The following PIK3CD variants were observed in gnomAD, a reference collection of about 807,000 sequenced individuals.
PIK3CD encodes the protein phosphatidylinositol-4,5-bisphosphate 3-kinase catalytic subunit delta, also known as phosphatidylinositol 4,5-bisphosphate 3-kinase catalytic subunit delta isoform.
A neutral mutation model predicts 122.9 loss-of-function variants in PIK3CD; 20 were observed. The observed-to-expected ratio is 0.16, with a 90% confidence interval of 0.11 to 0.24. The LOEUF (loss-of-function observed/expected upper bound fraction) is 0.24. Ranked by LOEUF, PIK3CD falls within the 10% of genes least tolerant of loss-of-function variation. The pLI is 1.00. For synonymous variants in PIK3CD, 596 were observed against 593.4 expected (o/e 1.00, Z -0.06); for missense variants, 787 against 1,406.3 (o/e 0.56, Z 7.04).
rs370185067 is a variant in PIK3CD, at chr1:9,720,302, C to T, written c.1470+60C>T. The T allele has an allele frequency of 8.2e-5, 127 of 1,555,906 alleles. No individual in the cohort carries two copies. In the South Asian group the frequency reaches 1.4e-3, roughly 17 times the overall value. On this transcript the variant is annotated intron_variant, in intron 11 of 23. Transcript: ENST00000377346. This position sits in a 1 kb window ranked among gnomAD's most constrained non-coding sequence, Gnocchi z 9.0. ...CTGGCGCGGAGCTCTCCTGGCCCTGCTCCTGGAGCTCTTCAGAGGGTGCTC... is the reference window on the plus strand; with the variant it reads ...CTGGCGCGGAGCTCTCCTGGCCCTGTTCCTGGAGCTCTTCAGAGGGTGCTC...
At position 9,724,694 on chromosome 1, in the gene PIK3CD, C is replaced by A; in HGVS notation, c.2865-110C>A. 1 of 1,420,682 alleles carries A rather than the reference C, an allele frequency of 7.0e-7. No individual in the cohort carries two copies. Among genetic ancestry groups the A allele is most frequent in the Non-Finnish European group, 9.9e-7 (1 of 1,007,436 alleles). The allele number at this position is 1,420,682 out of a possible 1,614,324, so 88.0% of individuals were successfully genotyped here. A position where few individuals can be genotyped will look rare whatever the true frequency, so the allele number is the denominator to read the frequency against. ...TGGAGGCCTTGTGTCCACCCATTAT[C>A]AGGGCAAGGGCAGGTGTCCTTGGGG... On this transcript the variant is annotated intron_variant, in intron 22 of 23. Coordinates refer to ENST00000377346, the MANE Select transcript of PIK3CD (RefSeq NM_005026.5). This position sits in a 1 kb window ranked among gnomAD's most constrained non-coding sequence, Gnocchi z 7.3.
Position 9,710,005 on chromosome 1 carries a change from CAAAA to C in PIK3CD, c.-32-409_-32-406del, listed in dbSNP as rs796460801. On this transcript the variant is annotated intron_variant, in intron 2 of 23. Coordinates refer to ENST00000377346, the MANE Select transcript of PIK3CD (RefSeq NM_005026.5). The surrounding 1 kb of genome is among the most constrained non-coding windows in gnomAD (Gnocchi z 4.7). ...TGGGTGACAGAGCAAGACTCCGGCT[CAAAA>C]AAAAAAAAAGAATGTATTTCAAAGA... is the stretch of plus-strand genomic sequence containing the variant. Among the ~76,000 whole-genome samples, 1 of 130,052 alleles carries C rather than the reference CAAAA, an allele frequency of 7.7e-6. No homozygotes were observed. The highest frequency in any genetic ancestry group is 2.2e-4 in the East Asian group (1 of 4,538). 85.3% of individuals were successfully genotyped at this position (130,052 alleles called of 152,430 possible). A position where few individuals can be genotyped will look rare whatever the true frequency, so the allele number is the denominator to read the frequency against.
chr1:9,684,464 G>A (rs1645886101), intron 1 of PIK3CD, among the ~76,000 whole-genome samples: 1 of 151,052 alleles, frequency 6.6e-6, no homozygotes, highest in Non-Finnish European at 1.5e-5. Context: ...TTGAACCCAA[G>A]AGGCCGAGGT....
chr1:9,670,155 A>G (rs1430080544), intron 1 of PIK3CD, among the ~76,000 whole-genome samples: 1 of 141,582 alleles, frequency 7.1e-6, no homozygotes, highest in Non-Finnish European at 1.5e-5. Flanking sequence ...CACCTCAAAA[A>G]AAAAAAAAAA....
chr1:9,715,615 C>T lies in PIK3CD; in HGVS notation c.216C>T (p.Cys72=). The change falls in exon 4 of 24, where the codon TGC becomes TGT. Residue 72 remains cysteine, a synonymous_variant. Coordinates refer to ENST00000377346, the MANE Select transcript of PIK3CD (RefSeq NM_005026.5). The surrounding 1 kb of genome is among the most constrained non-coding windows in gnomAD (Gnocchi z 4.1). ...GCCCCGAGGCCTATGTGTTCACCTG[C>T]ATCAACCAGACAGCGGAGCAGCAAG... ...LSGPEAYVFT[C]INQTAEQQEL... is the part of the protein sequence containing the mutation. 6.2e-7 allele frequency: 1 copy of T among 1,613,860 alleles called. No homozygotes were observed.
rs1570244456 is a variant in PIK3CD, at chr1:9,689,753, G to T, written c.-137-1714G>T. On this transcript the variant is annotated intron_variant, in intron 1 of 23. Coordinates refer to ENST00000377346, the MANE Select transcript of PIK3CD (RefSeq NM_005026.5). The surrounding 1 kb of genome is among the most constrained non-coding windows in gnomAD (Gnocchi z 6.1). ...AGCCCACCTGTGCGGGCGTCTGCGG[G>T]GTCCCCGTGCCCCGCCCCCAGCCCC... Among the ~76,000 whole-genome samples the T allele has an allele frequency of 2.0e-5, 3 of 150,638 alleles. No homozygotes were observed. The South Asian group carries it at 6.3e-4, about 32-fold the overall frequency.
chr1:9,655,022 G>T (rs1461616424), intron 1 of PIK3CD, among the ~76,000 whole-genome samples: 2 of 150,244 alleles, frequency 1.3e-5, no homozygotes, highest in Non-Finnish European at 2.9e-5. Flanking sequence ...TGCTGAGATT[G>T]TGCCACTGCA....
chr1:9,655,353 T>G (rs924109060), intron 1 of PIK3CD, among the ~76,000 whole-genome samples: 2 of 152,102 alleles, frequency 1.3e-5, no homozygotes, highest in African/African-American at 4.8e-5. Flanking sequence ...AAGACTGAGT[T>G]GTCTTTAGTT....
rs1158442620 is a variant in PIK3CD at position 9,710,630 on chromosome 1, C to T, written c.141+34C>T. The T allele has an allele frequency of 6.3e-7, 1 of 1,596,946 alleles. No individual in the cohort carries two copies. The highest frequency in any genetic ancestry group is 1.7e-5 in the Admixed American group (1 of 58,628). On this transcript the variant is annotated intron_variant, in intron 3 of 23. Transcript: ENST00000377346. This position sits in a 1 kb window ranked among gnomAD's most constrained non-coding sequence, Gnocchi z 4.7. ...TCCATCCGGTCCTCAGACCTTGGTG[C>T]TCAGAGAGAGAGAGAGAGAGAGAGA...
In PIK3CD at chr1:9,715,190, A is replaced by AT. The variant is rs1217463094; in HGVS notation, c.142-350dup. On this transcript the variant is annotated intron_variant, in intron 3 of 23. Transcript: ENST00000377346. The surrounding 1 kb of genome is among the most constrained non-coding windows in gnomAD (Gnocchi z 4.1). Reference sequence around the variant, plus strand: ...GGACTCCATCTCAAAAATAAAATAAATAGGTGAAGAACTCCAGGACAGTTA... The same window carrying AT: ...GGACTCCATCTCAAAAATAAAATAAATTAGGTGAAGAACTCCAGGACAGTTA... Among the ~76,000 whole-genome samples the AT allele has an allele frequency of 6.6e-6, 1 of 151,860 alleles. No individual in the cohort carries two copies. Among genetic ancestry groups the AT allele is most frequent in the East Asian group, 1.9e-4 (1 of 5,202 alleles).
At chr1:9,647,479 C>CT (rs1480660216), upstream of PIK3CD, among the ~76,000 whole-genome samples, 13 of 108,132 alleles carry the variant, frequency 1.2e-4, no homozygotes, top group Admixed American at 3.0e-4. Flanking sequence ...ATTCATGATT[C>CT]TAATTATTAT....
Position 9,715,454 on chromosome 1 carries a change from T to C in PIK3CD, c.142-87T>C. 1 of 1,184,408 alleles carries C rather than the reference T, an allele frequency of 8.4e-7. No individual in the cohort carries two copies. The highest frequency in any genetic ancestry group is 1.2e-6 in the Non-Finnish European group (1 of 809,412). 73.4% of individuals were successfully genotyped at this position (1,184,408 alleles called of 1,614,324 possible). ...CTCTGGGAGGTTTGGACCCCCAGGCTGGAGGCCAGCTCTCCACCCTCCCTC... is the reference window on the plus strand; with the variant it reads ...CTCTGGGAGGTTTGGACCCCCAGGCCGGAGGCCAGCTCTCCACCCTCCCTC... On this transcript the variant is annotated intron_variant, in intron 3 of 23. Transcript: ENST00000377346. The surrounding 1 kb of genome is among the most constrained non-coding windows in gnomAD (Gnocchi z 4.1).
rs1476300761 is a variant in PIK3CD, at chr1:9,719,916, T to C, written c.1243-5T>C. ...GCTGTCCTCACCTGCCCTGTCCTTC[T>C]GCAGGACTGCCCCATTGCCTGGGCC... On this transcript the variant is annotated splice_polypyrimidine_tract_variant and splice_region_variant and intron_variant, in intron 9 of 23. Coordinates refer to ENST00000377346, the MANE Select transcript of PIK3CD (RefSeq NM_005026.5). This position sits in a 1 kb window ranked among gnomAD's most constrained non-coding sequence, Gnocchi z 5.5. The C allele has an allele frequency of 1.1e-5, 17 of 1,613,006 alleles. No individual in the cohort carries two copies. The highest frequency in any genetic ancestry group is 1.3e-5 in the Non-Finnish European group (15 of 1,179,602).
intron 2 of PIK3CD, among the ~76,000 whole-genome samples, chr1:9,697,053 G>T (rs1341777135): frequency 7.4e-6 from 1 of 134,484 alleles, no homozygotes; most frequent in Non-Finnish European, 1.5e-5. Context: ...GACAGAGTAA[G>T]ATCCTGTCTC....
At chr1:9,668,756 G>A (rs1645237315) in intron 1 of PIK3CD, among the ~76,000 whole-genome samples, 1 of 152,154 alleles carries the variant, frequency 6.6e-6, no homozygotes, top group African/African-American at 2.4e-5. Flanking sequence ...CCCAGAAGGG[G>A]AGCTGACAAC....
chr1:9,723,428 G>T lies in PIK3CD; in HGVS notation c.2594+136G>T. ...GGCTACTTGGCTCAGTTGAGGACCA[G>T]CCTGTGTCTGGGTTGGGGTGAGGTA... On this transcript the variant is annotated intron_variant, in intron 20 of 23. Transcript: ENST00000377346. The surrounding 1 kb of genome is among the most constrained non-coding windows in gnomAD (Gnocchi z 4.9). The T allele has an allele frequency of 2.2e-6, 2 of 893,710 alleles. No individual in the cohort carries two copies. Among genetic ancestry groups the T allele is most frequent in the South Asian group, 1.4e-5 (1 of 73,224 alleles). The allele number at this position is 893,710 out of a possible 1,614,324, so 55.4% of individuals were successfully genotyped here. A position where few individuals can be genotyped will look rare whatever the true frequency, so the allele number is the denominator to read the frequency against.
chr1:9,668,291 T>G (rs1009844066), intron 1 of PIK3CD, among the ~76,000 whole-genome samples: 2 of 152,116 alleles, frequency 1.3e-5, no homozygotes, highest in Non-Finnish European at 2.9e-5. Flanking sequence ...AGGTGCCTAC[T>G]TAACTTCTCT....
intron 1 of PIK3CD, 33 bp downstream of exon 1, chr1:9,651,835 G>T (rs1002382755): frequency 8.5e-5 from 13 of 152,168 alleles, no homozygotes; most frequent in Admixed American, 2.6e-4. Context: ...GTCAGGGGAG[G>T]TGGGAAGAGG....
chr1:9,673,303 C>T (rs12059589), intron 1 of PIK3CD, among the ~76,000 whole-genome samples: 3 of 151,748 alleles, frequency 2.0e-5, no homozygotes, highest in Non-Finnish European at 4.4e-5. Flanking sequence ...TCTGTCGCCC[C>T]GGCTGGCGTG....
Sources: gnomAD v4.1 joint callset for allele counts (sites outside exome capture counted in the v4.1 genomes callset) on GRCh38, gnomAD v4.1.1 for gene constraint, Gnocchi (gnomAD v3.1) non-coding constraint, MANE v1.5 for transcripts, NCBI Gene and HGNC (gene_info 2026-07-23, HGNC 2026-07-21) for gene names.